SZT2: variants seen among roughly 807,000 people sequenced by gnomAD.
The protein encoded by SZT2 is KICSTOR complex protein SZT2.
SZT2 carries 216 observed loss-of-function variants against 404.2 expected under a neutral mutation model. The ratio of observed to expected loss-of-function variants is 0.53; its 90% confidence interval spans 0.48 to 0.60. The LOEUF is 0.60. Ranked by LOEUF, SZT2 falls within the 20% of genes least tolerant of loss-of-function variation. SZT2 has a pLI of 0.00. For synonymous variants in SZT2, 1,693 were observed against 1,749.9 expected, an observed-to-expected ratio of 0.97 and a Z score of 0.81; for missense variants, 3,857 against 4,459.2, an observed-to-expected ratio of 0.86 and a Z score of 3.85.
intron 46 of SZT2, 45 bp from the exon 47 acceptor site, chr1:43,438,654 G>T (rs1171643853): frequency 2.5e-6 from 4 of 1,575,004 alleles, no homozygotes; most frequent in East Asian, 2.2e-5. Context: ...GAGGTAGCTG[G>T]ATCCTCTACC....
At position 43,424,384 on chromosome 1, in the gene SZT2, C is replaced by T. The variant is rs884257; in HGVS notation, c.2423C>T (p.Pro808Leu). Residue 808 changes from proline to leucine, a missense_variant, in exon 16 of 72, where the codon CCT becomes CTT. Coordinates refer to ENST00000634258, the MANE Select transcript of SZT2 (RefSeq NM_001365999.1). The surrounding 1 kb of genome is among the most constrained non-coding windows in gnomAD (Gnocchi z 4.1). ...WLWSVPSGLA[P>L]ALPLSAIAQL... Reference sequence around the variant, plus strand: ...TGGAGTGTCCCGTCAGGACTGGCCCCTGCGCTGCCTCTCAGTGCCATTGCC... The same window carrying T: ...TGGAGTGTCCCGTCAGGACTGGCCCTTGCGCTGCCTCTCAGTGCCATTGCC... 3.1e-6 allele frequency: 5 copies of T among 1,597,986 alleles called. No individual in the cohort carries two copies. The South Asian group carries it at 3.3e-5, about 11-fold the overall frequency.
At chr1:43,403,861 C>A in intron 3 of SZT2, 87 bp downstream of exon 3, 1 of 1,419,604 alleles carries the variant, frequency 7.0e-7, no homozygotes, top group Non-Finnish European at 9.8e-7. Flanking sequence ...GAAAAATGGT[C>A]CCAGCCTACC....
intron 40 of SZT2, among the ~76,000 whole-genome samples, 193 bp from the exon 41 acceptor site, chr1:43,434,193 C>T (rs148708495): frequency 2.0e-5 from 3 of 152,312 alleles, no homozygotes; most frequent in East Asian, 3.9e-4. Flanking sequence ...TTGAGAATTC[C>T]GTCTCTTCCA....
At chr1:43,431,953 G>A in intron 36 of SZT2, 52 bp downstream of exon 36, 1 of 1,602,010 alleles carries the variant, frequency 6.2e-7, no homozygotes, top group South Asian at 1.1e-5. Flanking sequence ...GTCCTTCCCT[G>A]GGCCCCAGGC....
chr1:43,405,600 A>G (rs549343862), intron 4 of SZT2: 2 of 152,354 alleles, frequency 1.3e-5, no homozygotes, highest in South Asian at 4.1e-4. Flanking sequence ...GAGATAAGAT[A>G]TTGGGAACAT....
At position 43,437,958 on chromosome 1, in the gene SZT2, G is replaced by T; in HGVS notation, c.6508+56G>T. 1 of 1,551,610 alleles carries T rather than the reference G, an allele frequency of 6.4e-7. No individual in the cohort carries two copies. The highest frequency in any genetic ancestry group is 8.9e-7 in the Non-Finnish European group (1 of 1,124,654). On this transcript the variant is annotated intron_variant, in intron 46 of 71. Coordinates refer to ENST00000634258, the MANE Select transcript of SZT2 (RefSeq NM_001365999.1). This position sits in a 1 kb window ranked among gnomAD's most constrained non-coding sequence, Gnocchi z 5.3. ...CCACATGAGGTTCCAGAATCCTCTG[G>T]GACTTCTCTTAGAACCTTGCAAGCA...
At position 43,448,992 on chromosome 1, in the gene SZT2, C is replaced by G; in HGVS notation, c.10086+264C>G. The G allele has an allele frequency of 4.5e-6, 2 of 447,016 alleles. No homozygotes were observed. The highest frequency in any genetic ancestry group is 8.0e-6 in the Non-Finnish European group (2 of 248,904). 27.7% of individuals were successfully genotyped at this position (447,016 alleles called of 1,614,324 possible). On this transcript the variant is annotated intron_variant, in intron 70 of 71. Coordinates refer to ENST00000634258, the MANE Select transcript of SZT2 (RefSeq NM_001365999.1). The surrounding 1 kb of genome is among the most constrained non-coding windows in gnomAD (Gnocchi z 4.2). Reference sequence around the variant, plus strand: ...AGGGCCAGGCTCTGGAACTGACAACCCAAGGAGCTGTCAGAACTTTGTCAG... The same window carrying G: ...AGGGCCAGGCTCTGGAACTGACAACGCAAGGAGCTGTCAGAACTTTGTCAG...
chr1:43,443,314 C>T (rs777067328), intron 60 of SZT2, 38 bp from the exon 61 acceptor site: 9 of 1,614,032 alleles, frequency 5.6e-6, no homozygotes, highest in Admixed American at 1.7e-5. Context: ...GTGATCCTGC[C>T]CCGTCACTGC....
chr1:43,436,938 T>C (rs1476731372), intron 42 of SZT2: 3 of 566,406 alleles, frequency 5.3e-6, no homozygotes, highest in African/African-American at 3.7e-5. Context: ...ATTAGCTCCT[T>C]CTCTAAGTCT....
At chr1:43,432,164 A>G (rs1653972756) in intron 36 of SZT2, 108 bp from the exon 37 acceptor site, 2 of 1,240,494 alleles carry the variant, frequency 1.6e-6, no homozygotes, top group Non-Finnish European at 2.3e-6. Flanking sequence ...TGGGGATGCC[A>G]GCATCTGCTT....
chr1:43,431,093 G>A lies in SZT2; in HGVS notation c.4916+3G>A. On this transcript the variant is annotated splice_donor_region_variant and intron_variant, in intron 33 of 71. Coordinates refer to ENST00000634258, the MANE Select transcript of SZT2 (RefSeq NM_001365999.1). ...GCCTCGGACCCTCAGCACCACCGGT[G>A]TGGCAGCAAGTTTGGTGGGGGGTTT... The A allele has an allele frequency of 6.2e-7, 1 of 1,611,598 alleles. No homozygotes were observed. The highest frequency in any genetic ancestry group is 8.5e-7 in the Non-Finnish European group (1 of 1,179,180).
Position 43,425,413 on chromosome 1 carries a change from C to A in SZT2, c.2646-61C>A. On this transcript the variant is annotated intron_variant, in intron 18 of 71. Transcript: ENST00000634258. The surrounding 1 kb of genome is among the most constrained non-coding windows in gnomAD (Gnocchi z 4.3). ...GTCCTCTGTGCCTGCCTCCTTCCCT[C>A]CATGAGGTTCACTCCCTGCCATGAG... The A allele has an allele frequency of 6.2e-7, 1 of 1,601,404 alleles. No homozygotes were observed.
rs1315835101 is a variant in SZT2, at chr1:43,442,403, G to A, written c.7974+35G>A. On this transcript the variant is annotated intron_variant, in intron 57 of 71. Coordinates refer to ENST00000634258, the MANE Select transcript of SZT2 (RefSeq NM_001365999.1). This position sits in a 1 kb window ranked among gnomAD's most constrained non-coding sequence, Gnocchi z 4.5. ...GGGCCAGGGACTGGGTGGGAAGAGG[G>A]GTTCCGTGATCTCACTGACCCTGAC... 1.9e-6 allele frequency: 3 copies of A among 1,612,508 alleles called. No homozygotes were observed. Among genetic ancestry groups the A allele is most frequent in the South Asian group, 2.2e-5 (2 of 90,838 alleles).
chr1:43,434,062 A>G (rs1202304359), intron 40 of SZT2, among the ~76,000 whole-genome samples: 1 of 152,180 alleles, frequency 6.6e-6, no homozygotes, highest in Non-Finnish European at 1.5e-5. Context: ...AGAAAGGAAG[A>G]CCACCATTCT....
intron 4 of SZT2, chr1:43,405,594 T>G (rs1021825785): frequency 1.3e-5 from 2 of 152,262 alleles, no homozygotes; most frequent in Admixed American, 6.5e-5. Context: ...ATTTGAGAGA[T>G]AAGATATTGG....
rs971626071 is a variant in SZT2 at position 43,412,816 on chromosome 1, A to G, written c.499-2266A>G. 4 of 152,200 alleles carry G rather than the reference A, an allele frequency of 2.6e-5. No homozygotes were observed. In the South Asian group the frequency reaches 8.3e-4, roughly 31 times the overall value. 9.4% of individuals were successfully genotyped at this position (152,200 alleles called of 1,614,324 possible). On this transcript the variant is annotated intron_variant, in intron 4 of 71. Coordinates refer to ENST00000634258, the MANE Select transcript of SZT2 (RefSeq NM_001365999.1). ...TAAGAAAAAAAAATCCAATAATCTGATTTTAAAATGGGATTTTTTTTATCT... is the reference window on the plus strand; with the variant it reads ...TAAGAAAAAAAAATCCAATAATCTGGTTTTAAAATGGGATTTTTTTTATCT...
Position 43,453,405 on chromosome 1 carries a change from T to C in SZT2, c.*2925T>C. On this transcript the variant is annotated 3_prime_UTR_variant, in exon 72 of 72. Coordinates refer to ENST00000634258, the MANE Select transcript of SZT2 (RefSeq NM_001365999.1). ...GGGTACCTGGGACAGCCCAGGGCTTTGGCATACCGCACGGCCTGCTCCAGT... is the reference window on the plus strand; with the variant it reads ...GGGTACCTGGGACAGCCCAGGGCTTCGGCATACCGCACGGCCTGCTCCAGT... The C allele has an allele frequency of 6.4e-7, 1 of 1,556,202 alleles. No homozygotes were observed. The highest frequency in any genetic ancestry group is 8.7e-7 in the Non-Finnish European group (1 of 1,149,168).
intron 42 of SZT2, 50 bp downstream of exon 42, chr1:43,435,379 T>C (rs1557578858): frequency 3.1e-6 from 5 of 1,604,526 alleles, no homozygotes; most frequent in African/African-American, 1.3e-5. Context: ...TGCCGCCCTT[T>C]CTTTTACCGA....
At position 43,433,150 on chromosome 1, in the gene SZT2, C is replaced by T. The variant is rs765644938; in HGVS notation, c.5764C>T (p.Arg1922Trp). 28 of 1,613,952 alleles carry T rather than the reference C, an allele frequency of 1.7e-5. No homozygotes were observed. Among genetic ancestry groups the T allele is most frequent in the Non-Finnish European group, 1.9e-5 (22 of 1,180,044 alleles). The part of the protein sequence containing the change: ...PCLPDFWLIV[R>W]VLQDRVEVYA... ...CCTGCCTGACTTCTGGCTCATTGTC[C>T]GGGTCCTGCAGGACCGTGTGGAAGT... The change falls in exon 40 of 72, where the codon CGG (arginine) becomes TGG (tryptophan). Residue 1922 changes from arginine to tryptophan, a missense_variant. This residue lies in a region of SZT2 where 1,725 missense variants were observed against 1,881.0 expected (regional missense o/e 0.92). Coordinates refer to ENST00000634258, the MANE Select transcript of SZT2 (RefSeq NM_001365999.1).
Sources: gnomAD v4.1 joint callset for allele counts (sites outside exome capture counted in the v4.1 genomes callset) on GRCh38, gnomAD v4.1.1 for gene constraint, gnomAD v4.1.1 regional missense constraint, Gnocchi (gnomAD v3.1) non-coding constraint, MANE v1.5 for transcripts, NCBI Gene and HGNC (gene_info 2026-07-23, HGNC 2026-07-21) for gene names.